Variants in OSBPL1A observed in about 807,000 individuals in gnomAD.
OSBPL1A encodes oxysterol binding protein like 1A.
In OSBPL1A, 80 loss-of-function variants were observed where a neutral mutation model predicts 137.1. The observed-to-expected ratio is 0.58, with a 90% confidence interval of 0.49 to 0.70. The LOEUF is 0.70. Among genes scored for constraint, OSBPL1A ranks in the 30% least tolerant of loss-of-function variants. The pLI is 0.00. For synonymous variants in OSBPL1A, 365 were observed against 389.7 expected (o/e 0.94, Z 0.75); for missense variants, 970 against 1,129.4 (o/e 0.86, Z 2.02).
At chr18:24,204,558 CT>C (rs34877962) in intron 17 of OSBPL1A, among the ~76,000 whole-genome samples, 94,741 of 143,096 alleles carry the variant, frequency 0.66, 31,392 homozygotes, top group Non-Finnish European at 0.73. Flanking sequence ...AAAGCTGTTT[CT>C]TTTTTTTTTT....
In OSBPL1A at chr18:24,313,811, G is replaced by C. The variant is rs369233638; in HGVS notation, c.969+438C>G. Among the ~76,000 whole-genome samples the C allele has an allele frequency of 9.5e-4, 144 of 152,228 alleles. 1 individual carries two copies. Among genetic ancestry groups the C allele is most frequent in the Middle Eastern group, 3.4e-3 (1 of 294 alleles). On this transcript the variant is annotated intron_variant, in intron 12 of 27. Coordinates refer to ENST00000319481, the MANE Select transcript of OSBPL1A (RefSeq NM_080597.4). Reference sequence around the variant, plus strand: ...AAATTTTAAAGGCTTCATTTAAAAAGTACAATCAGGCCAGGCACAGTGGCT... The same window carrying C: ...AAATTTTAAAGGCTTCATTTAAAAACTACAATCAGGCCAGGCACAGTGGCT...
At chr18:24,204,307 A>G (rs2087306076) in intron 17 of OSBPL1A, among the ~76,000 whole-genome samples, 2 of 152,168 alleles carry the variant, frequency 1.3e-5, no homozygotes, top group Admixed American at 1.3e-4. Flanking sequence ...AACATTTTTC[A>G]TATGCTTAAT....
Position 24,225,063 on chromosome 18 carries a change from G to T in OSBPL1A, c.1580C>A (p.Ser527Tyr). The T allele has an allele frequency of 1.9e-6, 3 of 1,614,152 alleles. No homozygotes were observed. The highest frequency in any genetic ancestry group is 1.7e-6 in the Non-Finnish European group (2 of 1,180,002). ...EKDCGGGDALSNGIKKHRTSL... is the reference protein window; with the variant it reads ...EKDCGGGDALYNGIKKHRTSL... ...CTACCTGTGTTTCTTGATGCCATTGGAGAGAGCATCTCCGCCACCACAGTC... is the reference window on the plus strand; with the variant it reads ...CTACCTGTGTTTCTTGATGCCATTGTAGAGAGCATCTCCGCCACCACAGTC... The change falls in exon 17 of 28, where the codon TCC (serine) becomes TAC (tyrosine). Residue 527 changes from serine to tyrosine, a missense_variant. By Grantham distance (144) the Ser-to-Tyr change is moderately radical. This residue lies in a region of OSBPL1A where 647 missense variants were observed against 672.6 expected (regional missense o/e 0.96). Coordinates refer to ENST00000319481, the MANE Select transcript of OSBPL1A (RefSeq NM_080597.4).
At chr18:24,224,579 C>T (rs1048691560) in intron 17 of OSBPL1A, among the ~76,000 whole-genome samples, 1 of 152,156 alleles carries the variant, frequency 6.6e-6, no homozygotes, top group Non-Finnish European at 1.5e-5. Context: ...TTCAGCAAGT[C>T]CTGGGTCTTA....
At chr18:24,378,461 T>C (rs1464198343) in intron 1 of OSBPL1A, among the ~76,000 whole-genome samples, 1 of 152,220 alleles carries the variant, frequency 6.6e-6, no homozygotes, top group African/African-American at 2.4e-5. Context: ...TTTCTAGAAA[T>C]CTATCCTGCA....
intron 16 of OSBPL1A, among the ~76,000 whole-genome samples, chr18:24,228,370 C>A (rs1321953031): frequency 1.3e-5 from 2 of 151,928 alleles, no homozygotes; most frequent in East Asian, 3.9e-4. Context: ...GCTATCCCCA[C>A]CCTTCCCCTA....
rs2089719963 is a variant in OSBPL1A, at chr18:24,271,641, C to A, written c.1281+9201G>T. 2.0e-6 allele frequency: 2 copies of A among 985,782 alleles called. No homozygotes were observed. Among genetic ancestry groups the A allele is most frequent in the East Asian group, 1.1e-4 (1 of 8,816 alleles). The allele number at this position is 985,782 out of a possible 1,614,324, so 61.1% of individuals were successfully genotyped here. On this transcript the variant is annotated intron_variant, in intron 15 of 27. Transcript: ENST00000319481. The surrounding 1 kb of genome is among the most constrained non-coding windows in gnomAD (Gnocchi z 4.0). ...ACCTACCTGGGCCAGATCCGAGGAC[C>A]CCGGCTGGCGCGCTCCACCCTGCGC...
chr18:24,332,877 A>G, intron 7 of OSBPL1A, 65 bp downstream of exon 7: 1 of 1,566,102 alleles, frequency 6.4e-7, no homozygotes, highest in Admixed American at 1.8e-5. Flanking sequence ...AAACAATTTT[A>G]TATGGCATTG....
At chr18:24,391,199 A>G (rs1470507273) in intron 1 of OSBPL1A, among the ~76,000 whole-genome samples, 1 of 152,214 alleles carries the variant, frequency 6.6e-6, no homozygotes, top group Non-Finnish European at 1.5e-5. Context: ...AAGGACAAAT[A>G]TGGTATGATT....
intron 15 of OSBPL1A, among the ~76,000 whole-genome samples, chr18:24,257,609 A>G (rs765020564): frequency 3.3e-5 from 5 of 152,198 alleles, no homozygotes; most frequent in Non-Finnish European, 7.3e-5. Context: ...ACAGACAACC[A>G]AAGAAAAAAT....
chr18:24,377,524 C>T lies in OSBPL1A; in HGVS notation c.10G>A (p.Glu4Lys). 1 of 1,594,282 alleles carries T rather than the reference C, an allele frequency of 6.3e-7. No homozygotes were observed. Among genetic ancestry groups the T allele is most frequent in the Non-Finnish European group, 8.5e-7 (1 of 1,175,178 alleles). The change falls in exon 2 of 28, where the codon GAA (glutamate) becomes AAA (lysine). Residue 4 changes from glutamate (E) to lysine (K), a missense_variant. Physicochemically the swap from Glu to Lys is moderately conservative, Grantham distance 56 (BLOSUM62 1). Around this residue, in one of 2 missense-constraint regions of OSBPL1A, gnomAD observed 647 missense variants for 672.6 expected, o/e 0.96. Transcript: ENST00000319481. ...TGATGGAGAAGCTGTTGCTCCGCTT[C>T]TGTGTTCATTTCTAAATTAAGAAAA... MNT[E>K]AEQQLLHHAR...
intron 11 of OSBPL1A, 130 bp from the exon 12 acceptor site, chr18:24,314,477 A>T: frequency 1.8e-6 from 1 of 543,056 alleles, no homozygotes; most frequent in Non-Finnish European, 3.2e-6. Context: ...GTATTGACAG[A>T]TAAAAATTGG....
At chr18:24,372,656 T>C (rs1905750290) in intron 2 of OSBPL1A, among the ~76,000 whole-genome samples, 1 of 152,218 alleles carries the variant, frequency 6.6e-6, no homozygotes, top group African/African-American at 2.4e-5. Flanking sequence ...CCATTGCCAC[T>C]GCGTCTGCCC....
chr18:24,293,927 G>A lies in OSBPL1A; in HGVS notation c.1174+9710C>T, dbSNP rs2632428. ...AGCAAGTAGGTTTTCAGATGTCCAC[G>A]TGGGAGGCAATGGTGGCTTGGACCA... On this transcript the variant is annotated intron_variant, in intron 14 of 27. Transcript: ENST00000319481. 8.4e-4 allele frequency among the ~76,000 whole-genome samples: 128 copies of A among 152,274 alleles called. 1 individual carries two copies. Among genetic ancestry groups the A allele is most frequent in the African/African-American group, 2.9e-3 (122 of 41,554 alleles).
At chr18:24,356,909 C>T (rs1178638732) in intron 4 of OSBPL1A, among the ~76,000 whole-genome samples, 5 of 152,194 alleles carry the variant, frequency 3.3e-5, no homozygotes, top group Admixed American at 3.3e-4. Flanking sequence ...ATTATAGCCA[C>T]TCTGCCACCT....
chr18:24,246,174 T>G (rs1291701612), intron 15 of OSBPL1A, among the ~76,000 whole-genome samples: 3 of 151,852 alleles, frequency 2.0e-5, no homozygotes, highest in African/African-American at 7.3e-5. Context: ...ATCACACCAC[T>G]GCACTCCAGC....
intron 15 of OSBPL1A, among the ~76,000 whole-genome samples, chr18:24,279,057 T>G (rs927993897): frequency 2.6e-5 from 4 of 152,072 alleles, no homozygotes; most frequent in Non-Finnish European, 5.9e-5. Flanking sequence ...TTTCCATATT[T>G]GTCTTATTCT....
intron 13 of OSBPL1A, among the ~76,000 whole-genome samples, chr18:24,307,356 T>C (rs1165127954): frequency 1.3e-5 from 2 of 152,238 alleles, no homozygotes; most frequent in Non-Finnish European, 2.9e-5. Context: ...CTTTCTGACA[T>C]CTGGCGATTA....
Position 24,317,133 on chromosome 18 carries a change from C to T in OSBPL1A, c.870+16G>A, listed in dbSNP as rs1295199950. 6.2e-7 allele frequency: 1 copy of T among 1,613,272 alleles called. No homozygotes were observed. The highest frequency in any genetic ancestry group is 8.5e-7 in the Non-Finnish European group (1 of 1,179,432). On this transcript the variant is annotated intron_variant, in intron 11 of 27. Coordinates refer to ENST00000319481, the MANE Select transcript of OSBPL1A (RefSeq NM_080597.4). ...TTTCACAGTTAGAGGAGCAAATGAT[C>T]CATGTTTCATCCTACCGTGCATACT...
Sources: gnomAD v4.1 joint callset for allele counts (sites outside exome capture counted in the v4.1 genomes callset) on GRCh38, gnomAD v4.1.1 for gene constraint, gnomAD v4.1.1 regional missense constraint, Gnocchi (gnomAD v3.1) non-coding constraint, MANE v1.5 for transcripts, NCBI Gene and HGNC (gene_info 2026-07-23, HGNC 2026-07-21) for gene names.